RUNX3: variants seen among roughly 807,000 people sequenced by gnomAD.
RUNX3 encodes runt-related transcription factor 3.
A neutral mutation model predicts 27.7 loss-of-function variants in RUNX3; 10 were observed. The ratio of observed to expected loss-of-function variants is 0.36; its 90% CI spans 0.22 to 0.61. The LOEUF is 0.61. Among genes scored for constraint, RUNX3 ranks in the 20% least tolerant of loss-of-function variants. The pLI, the probability that RUNX3 is intolerant of heterozygous loss-of-function variation, is 0.72. For missense variants in RUNX3, 469 were observed against 629.5 expected, an observed-to-expected ratio of 0.75 and a Z score of 2.73; for synonymous variants, 270 against 269.2, an observed-to-expected ratio of 1.00 and a Z score of -0.03.
intron 2 of RUNX3, among the ~76,000 whole-genome samples, chr1:24,951,784 G>A (rs903400563): frequency 3.3e-5 from 5 of 152,208 alleles, no homozygotes; most frequent in African/African-American, 1.2e-4. Context: ...CTGAGCAGAT[G>A]CCTTAATCTC....
chr1:24,929,346 G>A (rs1641164721), intron 1 of RUNX3: 3 of 692,954 alleles, frequency 4.3e-6, no homozygotes, highest in African/African-American at 3.5e-5. Flanking sequence ...TCTACGCAAG[G>A]CGCCCCAAAA....
intron 2 of RUNX3, among the ~76,000 whole-genome samples, chr1:24,945,650 GC>G (rs1641587683): frequency 6.6e-6 from 1 of 152,132 alleles, no homozygotes; most frequent in Non-Finnish European, 1.5e-5. Flanking sequence ...GCAATTCCAG[GC>G]CTTTGAAAAC....
At chr1:24,930,464 A>C (rs1641201135), upstream of RUNX3, among the ~76,000 whole-genome samples, 1 of 151,528 alleles carries the variant, frequency 6.6e-6, no homozygotes, top group South Asian at 2.1e-4. This position sits in a 1 kb window ranked among gnomAD's most constrained non-coding sequence, Gnocchi z 4.1. Context: ...CCCGCGGAGG[A>C]GGCCCCAGTG....
chr1:24,935,006 G>T (rs1460703574), upstream of RUNX3, among the ~76,000 whole-genome samples: 1 of 152,204 alleles, frequency 6.6e-6, no homozygotes, highest in Admixed American at 6.5e-5. Context: ...CTCAGAACCA[G>T]TCTGCGAGGA....
Position 24,907,407 on chromosome 1 carries a change from C to T in RUNX3, c.555G>A (p.Gln185=). The change falls in exon 4 of 5, where the codon CAG becomes CAA. Residue 185 remains glutamine, a synonymous_variant. Transcript: ENST00000308873. ...ACGGCTTGGTCTGGTCCTCCAGCTT[C>T]TGCCGGTGCCCTGCAGAGCACAGGA... ...DGPREPRRHR[Q]KLEDQTKPFP... 1 of 1,613,266 alleles carries T rather than the reference C, an allele frequency of 6.2e-7. No individual in the cohort carries two copies. The highest frequency in any genetic ancestry group is 8.5e-7 in the Non-Finnish European group (1 of 1,179,682).
chr1:24,923,152 C>T lies in RUNX3; in HGVS notation c.440-3808G>A, dbSNP rs1176792377. Among the ~76,000 whole-genome samples, 1 of 152,150 alleles carries T rather than the reference C, an allele frequency of 6.6e-6. No individual in the cohort carries two copies. Among genetic ancestry groups the T allele is most frequent in the Non-Finnish European group, 1.5e-5 (1 of 68,022 alleles). Reference sequence around the variant, plus strand: ...ATACCAGGTAGCAAACCACATGCCACCCCTGAGGTCACCAGCACTCCTCGG... The same window carrying T: ...ATACCAGGTAGCAAACCACATGCCATCCCTGAGGTCACCAGCACTCCTCGG... On this transcript the variant is annotated intron_variant, in intron 2 of 4. Coordinates refer to ENST00000308873, the MANE Select transcript of RUNX3 (RefSeq NM_004350.3). The surrounding 1 kb of genome is among the most constrained non-coding windows in gnomAD (Gnocchi z 5.9).
rs545897398 is a variant in RUNX3 at position 24,901,165 on chromosome 1, G to C, written c.*957C>G. On this transcript the variant is annotated 3_prime_UTR_variant, in exon 5 of 5. Coordinates refer to ENST00000308873, the MANE Select transcript of RUNX3 (RefSeq NM_004350.3). ...AGGCTTGGGGGATGGGGCACAGCTT[G>C]GCTGGACCCAGGGGGGACAGGGACA... 3 of 151,706 alleles carry C rather than the reference G, an allele frequency of 2.0e-5. No homozygotes were observed. The South Asian group carries it at 6.2e-4, about 32-fold the overall frequency. 9.4% of individuals were successfully genotyped at this position (151,706 alleles called of 1,614,324 possible). A position where few individuals can be genotyped will look rare whatever the true frequency, so the allele number is the denominator to read the frequency against.
chr1:24,924,754 T>C (rs1641067378), intron 2 of RUNX3, among the ~76,000 whole-genome samples: 1 of 152,196 alleles, frequency 6.6e-6, no homozygotes, highest in South Asian at 2.1e-4. Flanking sequence ...TGCATGTAAA[T>C]AGGTAGGTTT....
chr1:24,919,451 G>A (rs1378529538), intron 2 of RUNX3, 107 bp from the exon 3 acceptor site: 1 of 695,964 alleles, frequency 1.4e-6, no homozygotes, highest in East Asian at 2.9e-5. Flanking sequence ...GTCAAGAAGG[G>A]GCACTCTGTC....
At position 24,916,855 on chromosome 1, in the gene RUNX3, G is replaced by A. The variant is rs1368628658; in HGVS notation, c.544+2385C>T. Among the ~76,000 whole-genome samples, 1 of 152,138 alleles carries A rather than the reference G, an allele frequency of 6.6e-6. No homozygotes were observed. Among genetic ancestry groups the A allele is most frequent in the East Asian group, 1.9e-4 (1 of 5,182 alleles). On this transcript the variant is annotated intron_variant, in intron 3 of 4. Coordinates refer to ENST00000308873, the MANE Select transcript of RUNX3 (RefSeq NM_004350.3). The surrounding 1 kb of genome is among the most constrained non-coding windows in gnomAD (Gnocchi z 4.8). ...TGGTGCAGCAAGCCTGGCTTCTGACGCCGTGGGTCTCCAGGCCCAGCCTCT... is the reference window on the plus strand; with the variant it reads ...TGGTGCAGCAAGCCTGGCTTCTGACACCGTGGGTCTCCAGGCCCAGCCTCT...
At chr1:24,921,065 C>T (rs1640990254) in intron 2 of RUNX3, among the ~76,000 whole-genome samples, 1 of 152,166 alleles carries the variant, frequency 6.6e-6, no homozygotes, top group African/African-American at 2.4e-5. Context: ...GCACTCTCAC[C>T]TGTACCCCAG....
chr1:24,902,045 G>C lies in RUNX3; in HGVS notation c.*77C>G. ...AGCGCAGGTCCCATTCCCGCCCGGA[G>C]CCTCGGAGCCGGCCCATCACTGGTC... On this transcript the variant is annotated 3_prime_UTR_variant, in exon 5 of 5. Transcript: ENST00000308873. This position sits in a 1 kb window ranked among gnomAD's most constrained non-coding sequence, Gnocchi z 9.2. 7.4e-7 allele frequency: 1 copy of C among 1,357,088 alleles called. No homozygotes were observed. Among genetic ancestry groups the C allele is most frequent in the Non-Finnish European group, 9.8e-7 (1 of 1,023,600 alleles). 84.1% of individuals were successfully genotyped at this position (1,357,088 alleles called of 1,614,324 possible).
chr1:24,956,864 T>A (rs1420805578), intron 2 of RUNX3, among the ~76,000 whole-genome samples: 1 of 152,142 alleles, frequency 6.6e-6, no homozygotes, highest in Non-Finnish European at 1.5e-5. Flanking sequence ...AAGCGTTCCG[T>A]CCCCCAGATG....
At position 24,919,758 on chromosome 1, in the gene RUNX3, C is replaced by A. The variant is rs144147905; in HGVS notation, c.440-414G>T. Among the ~76,000 whole-genome samples the A allele has an allele frequency of 5.9e-5, 9 of 151,982 alleles. No homozygotes were observed. In the South Asian group the frequency reaches 6.2e-4, roughly 11 times the overall value. ...TAAATAAAGAAGAAAAGACACCCCC[C>A]CCCCACGGTTCCACTAGCTGGAGAT... On this transcript the variant is annotated intron_variant, in intron 2 of 4. Transcript: ENST00000308873.
chr1:24,962,638 G>T lies in RUNX3; in HGVS notation c.58+1876C>A, dbSNP rs1642146219. 6.6e-6 allele frequency among the ~76,000 whole-genome samples: 1 copy of T among 152,224 alleles called. No individual in the cohort carries two copies. The highest frequency in any genetic ancestry group is 1.9e-4 in the East Asian group (1 of 5,192). ...GAAGGCCCTCGGGCCACAGACCCCAGATCCAAACATCTCCACAGACCCTAG... is the reference window on the plus strand; with the variant it reads ...GAAGGCCCTCGGGCCACAGACCCCATATCCAAACATCTCCACAGACCCTAG... On this transcript the variant is annotated intron_variant, in intron 2 of 6. Transcript: ENST00000338888. This position sits in a 1 kb window ranked among gnomAD's most constrained non-coding sequence, Gnocchi z 4.5.
chr1:24,933,632 G>A (rs891779676), upstream of RUNX3, among the ~76,000 whole-genome samples: 3 of 152,186 alleles, frequency 2.0e-5, no homozygotes, highest in Admixed American at 1.3e-4. Flanking sequence ...AGCTCATAGC[G>A]GGGTTTCCAG....
chr1:24,908,709 G>A (rs1640739450), intron 3 of RUNX3, among the ~76,000 whole-genome samples: 1 of 152,108 alleles, frequency 6.6e-6, no homozygotes, highest in South Asian at 2.1e-4. Context: ...AGTGGCTCAT[G>A]CCCCCAAGGG....
At chr1:24,908,081 TACGACAC>T in intron 3 of RUNX3, among the ~76,000 whole-genome samples, 1 of 151,194 alleles carries the variant, frequency 6.6e-6, no homozygotes, top group African/African-American at 2.4e-5. Context: ...TCCGAACCTC[TACGACAC>T]GCGGTGATCC....
At chr1:24,907,145 A>C in intron 4 of RUNX3, 114 bp downstream of exon 4, 1 of 1,099,470 alleles carries the variant, frequency 9.1e-7, no homozygotes, top group African/African-American at 1.6e-5. Context: ...TCTACAAAAC[A>C]AGGGGGTGCA....
Sources: allele counts gnomAD v4.1 joint callset (sites outside exome capture counted in the v4.1 genomes callset), GRCh38; gene constraint gnomAD v4.1.1; non-coding constraint Gnocchi (gnomAD v3.1); transcripts MANE v1.5; gene names NCBI Gene and HGNC (gene_info 2026-07-23, HGNC 2026-07-21).